Variants in PALM2AKAP2 observed in about 807,000 individuals in gnomAD.
The protein encoded by PALM2AKAP2 is PALM2 and AKAP2 fusion.
In PALM2AKAP2, 37 loss-of-function variants were observed where a neutral mutation model predicts 71.5. That is an observed-to-expected ratio of 0.52 (90% CI 0.40 to 0.68). The LOEUF (loss-of-function observed/expected upper bound fraction) is 0.68. PALM2AKAP2 is among the 30% of genes least tolerant of loss of function. PALM2AKAP2 has a pLI of 0.00. For synonymous variants in PALM2AKAP2, 468 were observed against 478.8 expected (o/e 0.98, Z 0.29); for missense variants, 1,224 against 1,191.8 (o/e 1.03, Z -0.40).
At chr9:109,814,334 T>C (rs1461024788) in intron 1 of PALM2AKAP2, among the ~76,000 whole-genome samples, 1 of 152,248 alleles carries the variant, frequency 6.6e-6, no homozygotes, top group East Asian at 1.9e-4. Context: ...GTCAATGATA[T>C]AGTTTTCACC....
At chr9:110,040,265 G>T (rs1833487710) in intron 7 of PALM2AKAP2, among the ~76,000 whole-genome samples, 1 of 152,108 alleles carries the variant, frequency 6.6e-6, no homozygotes, top group African/African-American at 2.4e-5. Flanking sequence ...GTATTTAAAT[G>T]ATCTTAACAC....
intron 6 of PALM2AKAP2, chr9:109,945,121 C>T (rs1831473890): frequency 6.6e-6 from 1 of 151,678 alleles, no homozygotes; most frequent in Non-Finnish European, 1.5e-5. Context: ...TTTTTAATCT[C>T]CTGGCTTGAA....
At chr9:109,656,294 A>T (rs1827306894) in intron 1 of PALM2AKAP2, among the ~76,000 whole-genome samples, 4 of 152,180 alleles carry the variant, frequency 2.6e-5, no homozygotes, top group Admixed American at 2.6e-4. Flanking sequence ...AAGAGGTCAG[A>T]GGCTAGGTCA....
intron 1 of PALM2AKAP2, among the ~76,000 whole-genome samples, chr9:109,676,354 C>T (rs1015887851): frequency 5.3e-5 from 8 of 151,858 alleles, no homozygotes; most frequent in Admixed American, 6.6e-5. Context: ...TAGTCCAGGA[C>T]GAGGAAAAGA....
At chr9:109,675,111 G>T (rs946482505) in intron 1 of PALM2AKAP2, among the ~76,000 whole-genome samples, 3 of 152,090 alleles carry the variant, frequency 2.0e-5, no homozygotes, top group African/African-American at 7.2e-5. Context: ...TATGATGCTT[G>T]AGAGGTTAGG....
intron 3 of PALM2AKAP2, among the ~76,000 whole-genome samples, chr9:109,902,150 A>G (rs1054591285): frequency 1.3e-5 from 2 of 152,080 alleles, no homozygotes; most frequent in East Asian, 1.9e-4. Context: ...CTCACATCTC[A>G]TTAACTACAT....
intron 3 of PALM2AKAP2, among the ~76,000 whole-genome samples, chr9:109,888,711 C>CAA (rs34495775): frequency 0.076 from 7,476 of 98,236 alleles, 384 homozygotes; most frequent in South Asian, 0.16. Flanking sequence ...ATTTTGCCTC[C>CAA]AAAAAAAAAA....
chr9:110,156,204 T>C, intron 2 of PALM2AKAP2, 115 bp from the exon 9 acceptor site: 1 of 1,392,214 alleles, frequency 7.2e-7, no homozygotes, highest in Non-Finnish European at 9.5e-7. Context: ...TTAACCATCA[T>C]TCTGGTACCA....
chr9:110,090,215 A>G (rs1834674768), intron 1 of PALM2AKAP2: 3 of 387,032 alleles, frequency 7.8e-6, no homozygotes, highest in Non-Finnish European at 1.6e-5. Context: ...GCGGGCAGGT[A>G]CAGGATGCGA....
intron 1 of PALM2AKAP2, among the ~76,000 whole-genome samples, chr9:109,641,074 C>T (rs1827059189): frequency 6.6e-6 from 1 of 152,222 alleles, no homozygotes; most frequent in South Asian, 2.1e-4. Context: ...TTTGCGGCTG[C>T]CCCTTGGCTA....
chr9:109,721,126 G>T (rs958400877), intron 1 of PALM2AKAP2, among the ~76,000 whole-genome samples: 4 of 152,222 alleles, frequency 2.6e-5, no homozygotes, highest in Admixed American at 6.5e-5. Flanking sequence ...CACTTAAAAG[G>T]TTAACTGGAT....
At chr9:110,120,773 G>A (rs748634214) in intron 1 of PALM2AKAP2, among the ~76,000 whole-genome samples, 11 of 152,236 alleles carry the variant, frequency 7.2e-5, no homozygotes, top group Admixed American at 2.0e-4. Context: ...CCAAAGTGCC[G>A]GGATTACAGG....
chr9:109,710,516 G>T (rs540554063), intron 1 of PALM2AKAP2, among the ~76,000 whole-genome samples: 1 of 152,194 alleles, frequency 6.6e-6, no homozygotes, highest in Non-Finnish European at 1.5e-5. Flanking sequence ...TGACACTGTC[G>T]CAAGTTAGTA....
At chr9:109,867,380 C>A in intron 1 of PALM2AKAP2, 111 bp from the exon 2 acceptor site, 1 of 1,262,390 alleles carries the variant, frequency 7.9e-7, no homozygotes, top group Admixed American at 2.0e-5. Context: ...TGCCCGGTGT[C>A]TCTGGAAGTG....
At chr9:109,834,914 T>C (rs1041114391) in intron 1 of PALM2AKAP2, among the ~76,000 whole-genome samples, 3 of 152,138 alleles carry the variant, frequency 2.0e-5, no homozygotes, top group African/African-American at 7.2e-5. Context: ...CCTTTAATCA[T>C]TTATTTTAGG....
intron 1 of PALM2AKAP2, among the ~76,000 whole-genome samples, chr9:109,692,019 G>A (rs1005457342): frequency 2.7e-5 from 4 of 146,294 alleles, no homozygotes; most frequent in Non-Finnish European, 6.0e-5. Flanking sequence ...TCATTTTAAT[G>A]TGCAGGTTTG....
At chr9:110,162,711 C>G (rs887522890) in intron 3 of PALM2AKAP2, among the ~76,000 whole-genome samples, 3 of 152,174 alleles carry the variant, frequency 2.0e-5, no homozygotes, top group African/African-American at 7.2e-5. Context: ...CCAAAAGCCT[C>G]CTTGTTTAAG....
chr9:109,796,686 A>C (rs918719555), intron 1 of PALM2AKAP2, among the ~76,000 whole-genome samples: 1 of 150,106 alleles, frequency 6.7e-6, no homozygotes, highest in African/African-American at 2.4e-5. Context: ...ACGTGGCAAC[A>C]GGTGAGAGAG....
intron 1 of PALM2AKAP2, among the ~76,000 whole-genome samples, chr9:109,743,658 A>T (rs971218512): frequency 2.6e-5 from 4 of 152,370 alleles, no homozygotes; most frequent in African/African-American, 9.6e-5. Context: ...AAGTTTCAAA[A>T]ATTTTCAAAA....
Sources: allele counts gnomAD v4.1 joint callset (sites outside exome capture counted in the v4.1 genomes callset), GRCh38; gene constraint gnomAD v4.1.1; transcripts MANE v1.5; gene names NCBI Gene and HGNC (gene_info 2026-07-23, HGNC 2026-07-21).